The following KIF20B variants were observed in gnomAD, a reference collection of about 807,000 sequenced individuals.
The protein encoded by KIF20B is kinesin family member 20B.
A neutral mutation model predicts 232.5 loss-of-function variants in KIF20B; 188 were observed. The ratio of observed to expected loss-of-function variants is 0.81; its 90% CI spans 0.72 to 0.91. The LOEUF is 0.91. Among genes scored for constraint, KIF20B ranks in the 40% least tolerant of loss-of-function variants. The pLI is 0.00. For missense variants in KIF20B, 2,154 were observed against 2,055.9 expected, an observed-to-expected ratio of 1.05 and a Z score of -0.92; for synonymous variants, 712 against 683.0, an observed-to-expected ratio of 1.04 and a Z score of -0.66.
chr10:89,754,123 C>T lies in KIF20B; in HGVS notation c.4348-395C>T, dbSNP rs547889615. Among the ~76,000 whole-genome samples, 486 of 150,176 alleles carry T rather than the reference C, an allele frequency of 3.2e-3. 1 individual carries two copies. The highest frequency in any genetic ancestry group is 0.021 in the South Asian group (101 of 4,724). ...ACAAGTTATTTTTTATTTGGCATCT[C>T]GTAGGCCCAGGAATATTTTATTTTT... On this transcript the variant is annotated intron_variant, in intron 25 of 32. Coordinates refer to ENST00000371728, the MANE Select transcript of KIF20B (RefSeq NM_001284259.2).
chr10:89,737,904 G>A lies in KIF20B; in HGVS notation c.3063G>A (p.Leu1021=), dbSNP rs150133470. Residue 1021 remains leucine (L), a synonymous_variant, in exon 20 of 33, where the codon TTG becomes TTA. Transcript: ENST00000371728. The stretch of plus-strand genomic sequence containing the variant: ...CAAATGGTTCTGAGGAGGATAATTT[G>A]CCAAATACACAGTTAGACCTTTTAG... ...DLSNGSEEDN[L]PNTQLDLLGN... is the part of the protein sequence containing the mutation. 208 of 1,613,310 alleles carry A rather than the reference G, an allele frequency of 1.3e-4. No homozygotes were observed. Among genetic ancestry groups the A allele is most frequent in the Non-Finnish European group, 1.7e-4 (199 of 1,179,586 alleles).
At chr10:89,759,425 G>C (rs1345352668) in intron 27 of KIF20B, among the ~76,000 whole-genome samples, 3 of 151,876 alleles carry the variant, frequency 2.0e-5, no homozygotes, top group Non-Finnish European at 4.4e-5. Flanking sequence ...ATAGAATCTG[G>C]GTACATCTGA....
At chr10:89,729,701 AT>A (rs926123354) in intron 18 of KIF20B, among the ~76,000 whole-genome samples, 1 of 152,188 alleles carries the variant, frequency 6.6e-6, no homozygotes, top group East Asian at 1.9e-4. Context: ...TAGCAAGGAT[AT>A]TTTTTCTAAA....
chr10:89,738,881 G>T, intron 20 of KIF20B, 77 bp from the exon 21 acceptor site: 1 of 1,439,666 alleles, frequency 6.9e-7, no homozygotes, highest in South Asian at 1.4e-5. Flanking sequence ...ATTTTGTAAA[G>T]ATTGTTACCA....
At chr10:89,768,476 C>A in intron 30 of KIF20B, 85 bp downstream of exon 30, 2 of 859,180 alleles carry the variant, frequency 2.3e-6, no homozygotes, top group Non-Finnish European at 3.7e-6. Flanking sequence ...CTTCTCTTTC[C>A]TATACATCTG....
Position 89,709,428 on chromosome 10 carries a change from A to G in KIF20B, c.318A>G (p.Ser106=). 2 of 1,612,992 alleles carry G rather than the reference A, an allele frequency of 1.2e-6. No individual in the cohort carries two copies. Among genetic ancestry groups the G allele is most frequent in the Non-Finnish European group, 1.7e-6 (2 of 1,179,312 alleles). ...TTGGTCGGTTAAGTGAAAAAAGCTC[A>G]GGGCAGATGGCACAGAAATTCAGTT... is the stretch of plus-strand genomic sequence containing the variant. The part of the protein sequence containing the change: ...CILGRLSEKS[S]GQMAQKFSFS... The change falls in exon 4 of 33, where the codon TCA becomes TCG. Residue 106 remains serine, a synonymous_variant. Coordinates refer to ENST00000371728, the MANE Select transcript of KIF20B (RefSeq NM_001284259.2).
chr10:89,759,043 A>G (rs534350938), intron 27 of KIF20B, among the ~76,000 whole-genome samples, 161 bp downstream of exon 27: 41 of 152,190 alleles, frequency 2.7e-4, no homozygotes, highest in African/African-American at 8.2e-4. Flanking sequence ...GAAATTTATC[A>G]TTAAGATTGA....
chr10:89,712,085 A>T (rs1489485373), intron 6 of KIF20B, among the ~76,000 whole-genome samples: 2 of 151,586 alleles, frequency 1.3e-5, no homozygotes, highest in African/African-American at 4.9e-5. Context: ...GAATTGTCAC[A>T]TGTTCTTTGT....
rs146834079 is a variant in KIF20B, at chr10:89,745,383, C to T, written c.4036-516C>T. Among the ~76,000 whole-genome samples the T allele has an allele frequency of 3.0e-3, 456 of 152,060 alleles. 3 individuals carry two copies. Among genetic ancestry groups the T allele is most frequent in the African/African-American group, 0.01 (425 of 41,514 alleles). On this transcript the variant is annotated intron_variant, in intron 22 of 32. Transcript: ENST00000371728. ...ACTAAAAATACAAAAATTAGCCAGG[C>T]GTGGTGGCACACGCCTATAATCCCA...
intron 4 of KIF20B, among the ~76,000 whole-genome samples, 200 bp from the exon 5 acceptor site, chr10:89,709,727 A>G (rs554739996): frequency 5.9e-5 from 9 of 152,140 alleles, no homozygotes; most frequent in African/African-American, 1.7e-4. Flanking sequence ...ACTTAGGTGA[A>G]TACTTGATTC....
intron 31 of KIF20B, among the ~76,000 whole-genome samples, chr10:89,769,348 T>A (rs559777406): frequency 6.6e-6 from 1 of 152,088 alleles, no homozygotes; most frequent in Non-Finnish European, 1.5e-5. Flanking sequence ...TCATCCCTGT[T>A]TTCTGCTTAT....
intron 13 of KIF20B, among the ~76,000 whole-genome samples, chr10:89,721,294 T>C (rs1398713723): frequency 6.6e-6 from 1 of 152,200 alleles, no homozygotes; most frequent in Non-Finnish European, 1.5e-5. Context: ...TCCCACTTTA[T>C]CTGGTCACTA....
intron 15 of KIF20B, among the ~76,000 whole-genome samples, 159 bp from the exon 16 acceptor site, chr10:89,726,134 A>G (rs1038874012): frequency 1.1e-4 from 17 of 152,362 alleles, no homozygotes; most frequent in African/African-American, 3.4e-4. Context: ...AATGGAACAC[A>G]GGTTTTTCAT....
intron 19 of KIF20B, among the ~76,000 whole-genome samples, chr10:89,733,712 T>C (rs1381161970): frequency 1.3e-5 from 2 of 152,154 alleles, no homozygotes; most frequent in Non-Finnish European, 2.9e-5. Flanking sequence ...TCAGCAGCTT[T>C]TAAGAAAATA....
intron 1 of KIF20B, 53 bp from the exon 2 acceptor site, chr10:89,705,241 G>T: frequency 6.6e-7 from 1 of 1,518,160 alleles, no homozygotes; most frequent in Non-Finnish European, 9.1e-7. Flanking sequence ...AGTGTGGGTG[G>T]CTTACATGCT....
At position 89,724,090 on chromosome 10, in the gene KIF20B, G is replaced by A. The variant is rs1326094307; in HGVS notation, c.1849G>A (p.Glu617Lys). 10 of 1,490,708 alleles carry A rather than the reference G, an allele frequency of 6.7e-6. No homozygotes were observed. The highest frequency in any genetic ancestry group is 8.0e-6 in the Non-Finnish European group (9 of 1,125,652). 92.3% of individuals were successfully genotyped at this position (1,490,708 alleles called of 1,614,324 possible). A position where few individuals can be genotyped will look rare whatever the true frequency, so the allele number is the denominator to read the frequency against. Residue 617 changes from glutamate (E) to lysine (K), a missense_variant, in exon 14 of 33, where the codon GAA becomes AAA. Glu to Lys is a moderately conservative substitution (Grantham distance 56, BLOSUM62 1). Coordinates refer to ENST00000371728, the MANE Select transcript of KIF20B (RefSeq NM_001284259.2). ...GTTTACTCAGTATTGGGCTCAACGGGAAGCTGACTTTAAGTAAGTTATTTA... is the reference window on the plus strand; with the variant it reads ...GTTTACTCAGTATTGGGCTCAACGGAAAGCTGACTTTAAGTAAGTTATTTA... ...QEFTQYWAQR[E>K]ADFKETLLQE...
intron 19 of KIF20B, among the ~76,000 whole-genome samples, chr10:89,734,721 A>G (rs1841608016): frequency 6.6e-6 from 1 of 152,176 alleles, no homozygotes; most frequent in Non-Finnish European, 1.5e-5. Flanking sequence ...CACAACTAGG[A>G]TGCACAAGAG....
intron 21 of KIF20B, among the ~76,000 whole-genome samples, chr10:89,741,345 C>T (rs1841789897): frequency 6.6e-6 from 1 of 152,220 alleles, no homozygotes; most frequent in South Asian, 2.1e-4. Context: ...GTCTGCCGCT[C>T]ACCTCCTGCT....
In KIF20B at chr10:89,768,877, T is replaced by C; in HGVS notation, c.5231T>C (p.Leu1744Pro). The change falls in exon 31 of 33, where the codon CTT becomes CCT. Residue 1744 changes from leucine to proline, a missense_variant. Physicochemically the swap from Leu to Pro is moderately conservative, Grantham distance 98 (BLOSUM62 -3). Transcript: ENST00000371728. ...TTCTTACAACATTCTCCCTCAATTC[T>C]TCAATCAAAAGGTTTGCAGAAAATT... ...GDFLQHSPSI[L>P]QSKAKKIIET... The C allele has an allele frequency of 6.3e-7, 1 of 1,591,740 alleles. No homozygotes were observed. The highest frequency in any genetic ancestry group is 8.5e-7 in the Non-Finnish European group (1 of 1,173,578).
Sources: allele counts gnomAD v4.1 joint callset (sites outside exome capture counted in the v4.1 genomes callset), GRCh38; gene constraint gnomAD v4.1.1; transcripts MANE v1.5; gene names NCBI Gene and HGNC (gene_info 2026-07-23, HGNC 2026-07-21).